The following ERCC6L2 variants were observed in gnomAD, a reference collection of about 807,000 sequenced individuals.
ERCC6L2 encodes the protein DNA excision repair protein ERCC-6-like 2.
ERCC6L2 carries 77 observed loss-of-function variants against 132.0 expected under a neutral mutation model. That is an observed-to-expected ratio of 0.58 (90% CI 0.49 to 0.71). The LOEUF (loss-of-function observed/expected upper bound fraction) is 0.71, where lower values mean the gene tolerates loss of function less well. Ranked by LOEUF, ERCC6L2 falls within the 30% of genes least tolerant of loss-of-function variation. The pLI, the probability that ERCC6L2 is intolerant of heterozygous loss-of-function variation, is 0.00. For synonymous variants in ERCC6L2, 583 were observed against 632.4 expected, an observed-to-expected ratio of 0.92 and a Z score of 1.17; for missense variants, 1,542 against 1,837.6, an observed-to-expected ratio of 0.84 and a Z score of 2.94.
chr9:96,024,553 C>G (rs1189425055), intron 19 of ERCC6L2, among the ~76,000 whole-genome samples: 2 of 152,222 alleles, frequency 1.3e-5, no homozygotes, highest in African/African-American at 4.8e-5. Flanking sequence ...TCCGCCTCCT[C>G]CTCCTCACCT....
chr9:96,004,432 G>C, intron 17 of ERCC6L2, 88 bp from the exon 18 acceptor site: 1 of 643,830 alleles, frequency 1.6e-6, no homozygotes, highest in South Asian at 1.8e-5. Context: ...ATTATAAAGA[G>C]TATTGAGAAA....
At chr9:95,978,298 C>A in intron 17 of ERCC6L2, 83 bp downstream of exon 17, 1 of 884,972 alleles carries the variant, frequency 1.1e-6, no homozygotes, top group Non-Finnish European at 1.5e-6. Flanking sequence ...CTAAGTACTC[C>A]CTCAAAAGTA....
chr9:96,033,452 G>A (rs768134188), intron 19 of ERCC6L2, among the ~76,000 whole-genome samples: 2 of 152,116 alleles, frequency 1.3e-5, no homozygotes, highest in Non-Finnish European at 2.9e-5. Flanking sequence ...TCACCATATT[G>A]ACCAGGCTGG....
At chr9:95,986,916 A>C (rs1402594401) in intron 17 of ERCC6L2, among the ~76,000 whole-genome samples, 1 of 152,230 alleles carries the variant, frequency 6.6e-6, no homozygotes, top group Non-Finnish European at 1.5e-5. Context: ...CACATGGCTG[A>C]GGAGGCCTCA....
At chr9:95,892,011 A>G (rs1404619040) in intron 2 of ERCC6L2, among the ~76,000 whole-genome samples, 2 of 151,912 alleles carry the variant, frequency 1.3e-5, no homozygotes, top group African/African-American at 2.4e-5. Context: ...TTTGCTTGTT[A>G]TTTTACTTTG....
intron 7 of ERCC6L2, 104 bp from the exon 8 acceptor site, chr9:95,922,201 A>G: frequency 3.7e-6 from 2 of 546,176 alleles, no homozygotes; most frequent in East Asian, 3.1e-5. Context: ...TATTGTGCCA[A>G]AGTAACCCGA....
At chr9:95,911,048 C>T (rs1020092555) in intron 4 of ERCC6L2, among the ~76,000 whole-genome samples, 1 of 152,174 alleles carries the variant, frequency 6.6e-6, no homozygotes, top group Non-Finnish European at 1.5e-5. Context: ...GCATGCGCCA[C>T]CATGCCTGGA....
intron 11 of ERCC6L2, among the ~76,000 whole-genome samples, chr9:95,939,124 G>T (rs927342809): frequency 1.3e-4 from 19 of 151,906 alleles, no homozygotes; most frequent in Admixed American, 1.2e-3. Flanking sequence ...TCCTCTACAT[G>T]CCCTAAGCAG....
chr9:95,994,248 G>A (rs559900269), intron 17 of ERCC6L2, among the ~76,000 whole-genome samples: 30 of 152,288 alleles, frequency 2.0e-4, no homozygotes, highest in African/African-American at 6.7e-4. Flanking sequence ...CAGGAACAAG[G>A]TGTACAAAGA....
At position 95,942,549 on chromosome 9, in the gene ERCC6L2, G is replaced by A. The variant is rs12343561; in HGVS notation, c.1847+1000G>A. 1.8e-3 allele frequency among the ~76,000 whole-genome samples: 271 copies of A among 151,656 alleles called. 2 individuals are homozygous for A. Among genetic ancestry groups the A allele is most frequent in the Middle Eastern group, 6.8e-3 (2 of 294 alleles). ...AGGATATGGAAAAAAATGAAGGTCT[G>A]AAAAAAAATGGAGAGGGCTAATGGA... On this transcript the variant is annotated intron_variant, in intron 12 of 18. Transcript: ENST00000653738.
At chr9:95,952,608 C>T (rs1018058473) in intron 12 of ERCC6L2, among the ~76,000 whole-genome samples, 2 of 152,138 alleles carry the variant, frequency 1.3e-5, no homozygotes, top group African/African-American at 4.8e-5. Flanking sequence ...CACGTTGGCT[C>T]GTGCCTCTTG....
intron 17 of ERCC6L2, among the ~76,000 whole-genome samples, chr9:95,991,319 G>C (rs991931726): frequency 1.3e-5 from 2 of 152,062 alleles, no homozygotes; most frequent in Non-Finnish European, 2.9e-5. Flanking sequence ...ACTGCTTTCT[G>C]TTACGAATAT....
At chr9:96,022,381 C>T (rs1228655727), downstream of ERCC6L2, among the ~76,000 whole-genome samples, 1 of 152,182 alleles carries the variant, frequency 6.6e-6, no homozygotes, top group Non-Finnish European at 1.5e-5. Flanking sequence ...AGGTATGAAG[C>T]CCGTATTGTG....
intron 9 of ERCC6L2, among the ~76,000 whole-genome samples, chr9:95,924,674 A>G (rs541563287): frequency 6.6e-5 from 10 of 152,198 alleles, no homozygotes; most frequent in Admixed American, 5.9e-4. Flanking sequence ...TCTGCATTTT[A>G]TATTTTTTAT....
chr9:95,912,900 G>C (rs1340160966), intron 4 of ERCC6L2, among the ~76,000 whole-genome samples: 2 of 152,194 alleles, frequency 1.3e-5, no homozygotes, highest in Non-Finnish European at 2.9e-5. Context: ...GGCTTAAATA[G>C]ATTCAGATTA....
chr9:95,930,412 A>G (rs1339061047), intron 11 of ERCC6L2, among the ~76,000 whole-genome samples: 1 of 152,140 alleles, frequency 6.6e-6, no homozygotes, highest in Non-Finnish European at 1.5e-5. Flanking sequence ...ACATAAGCTC[A>G]GTTTTTGTTT....
At chr9:96,022,440 A>G (rs1015651540), downstream of ERCC6L2, among the ~76,000 whole-genome samples, 2 of 152,218 alleles carry the variant, frequency 1.3e-5, no homozygotes, top group African/African-American at 4.8e-5. Flanking sequence ...AATCTGCCCA[A>G]CAACGCTTCT....
At chr9:95,982,272 T>C (rs1459260384) in intron 17 of ERCC6L2, among the ~76,000 whole-genome samples, 2 of 152,136 alleles carry the variant, frequency 1.3e-5, no homozygotes, top group Non-Finnish European at 2.9e-5. Flanking sequence ...CTGTTCAGAA[T>C]ACTGTAAATA....
intron 12 of ERCC6L2, among the ~76,000 whole-genome samples, chr9:95,942,622 ATAAAG>A (rs1304605258): frequency 4.6e-5 from 7 of 152,154 alleles, no homozygotes; most frequent in Admixed American, 4.6e-4. Context: ...ATTTTAAAAC[ATAAAG>A]TCAAGTAGCA....
Sources: allele counts gnomAD v4.1 joint callset (sites outside exome capture counted in the v4.1 genomes callset), GRCh38; gene constraint gnomAD v4.1.1; transcripts MANE v1.5; gene names NCBI Gene and HGNC (gene_info 2026-07-23, HGNC 2026-07-21).